The following PLCH1 variants were observed in gnomAD, a reference collection of about 807,000 sequenced individuals.
PLCH1 encodes the protein 1-phosphatidylinositol 4,5-bisphosphate phosphodiesterase eta-1.
In PLCH1, 60 loss-of-function variants were observed where a neutral mutation model predicts 126.7. That is an observed-to-expected ratio of 0.47 (90% CI 0.38 to 0.59). PLCH1 has a LOEUF of 0.59. Among genes scored for constraint, PLCH1 ranks in the 20% least tolerant of loss-of-function variants. The probability of loss-of-function intolerance (pLI) is 0.00; values close to 1 mark genes in which losing one functional copy is unlikely to be tolerated. For missense variants in PLCH1, 1,723 were observed against 2,040.0 expected (o/e 0.84, Z 2.99); for synonymous variants, 719 against 734.9 (o/e 0.98, Z 0.35).
At chr3:155,690,996 A>C (rs1420540884) in intron 2 of PLCH1, among the ~76,000 whole-genome samples, 1 of 152,094 alleles carries the variant, frequency 6.6e-6, no homozygotes, top group African/African-American at 2.4e-5. Context: ...CACTCAGCCT[A>C]AGGGCAACTC....
At chr3:155,549,668 C>T in intron 10 of PLCH1, 119 bp downstream of exon 10, 2 of 719,000 alleles carry the variant, frequency 2.8e-6, no homozygotes, top group Non-Finnish European at 4.6e-6. Context: ...TAGATCTAGA[C>T]AATCCTTCAT....
chr3:155,636,243 C>A, intron 2 of PLCH1, among the ~76,000 whole-genome samples: 1 of 152,014 alleles, frequency 6.6e-6, no homozygotes, highest in Non-Finnish European at 1.5e-5. Flanking sequence ...ACCTAGACTT[C>A]CCTGGAATAG....
At chr3:155,460,823 T>TAGAC (rs1560028434) in intron 21 of PLCH1, among the ~76,000 whole-genome samples, 1 of 151,434 alleles carries the variant, frequency 6.6e-6, no homozygotes, top group Non-Finnish European at 1.5e-5. Flanking sequence ...GATAGATAGA[T>TAGAC]AGATAGATAG....
chr3:155,697,855 G>A (rs566190622), intron 2 of PLCH1, among the ~76,000 whole-genome samples: 2 of 152,338 alleles, frequency 1.3e-5, no homozygotes, highest in South Asian at 4.1e-4. Flanking sequence ...GAAGATGGAA[G>A]CAGAGGGAGT....
intron 1 of PLCH1, among the ~76,000 whole-genome samples, chr3:155,720,499 T>C (rs778221392): frequency 5.7e-4 from 87 of 152,346 alleles, no homozygotes; most frequent in Non-Finnish European, 8.8e-4. Flanking sequence ...CATATGTTTG[T>C]TGCCCATTTG....
intron 1 of PLCH1, among the ~76,000 whole-genome samples, chr3:155,722,168 T>C (rs1747997937): frequency 6.6e-6 from 1 of 152,142 alleles, no homozygotes. Context: ...AGATGTCTTT[T>C]TTTTTTCTTT....
At chr3:155,742,280 C>T (rs1443479922) in intron 1 of PLCH1, 1 of 152,132 alleles carries the variant, frequency 6.6e-6, no homozygotes, top group African/African-American at 2.4e-5. Context: ...CATTATGGCA[C>T]CCTAACAAGG....
chr3:155,536,030 G>A (rs1723309437), intron 10 of PLCH1, among the ~76,000 whole-genome samples: 1 of 152,166 alleles, frequency 6.6e-6, no homozygotes, highest in African/African-American at 2.4e-5. Context: ...TACCAGGCTG[G>A]AGCCTGGTAG....
chr3:155,457,370 T>G (rs983093990), intron 21 of PLCH1: 18 of 152,196 alleles, frequency 1.2e-4, no homozygotes, highest in African/African-American at 4.1e-4. Context: ...TGCTCCATTG[T>G]CCCATTGGAC....
intron 9 of PLCH1, among the ~76,000 whole-genome samples, chr3:155,553,709 T>C (rs1332153048): frequency 5.3e-5 from 8 of 152,090 alleles, no homozygotes; most frequent in Admixed American, 5.2e-4. Flanking sequence ...GACACCTCAG[T>C]GTATAGATAA....
chr3:155,712,329 T>C (rs887410217), intron 1 of PLCH1, among the ~76,000 whole-genome samples: 1 of 152,220 alleles, frequency 6.6e-6, no homozygotes. Context: ...CTGAAAAGGA[T>C]TCCCCCAGAC....
intron 21 of PLCH1, among the ~76,000 whole-genome samples, chr3:155,468,663 G>A (rs1056059460): frequency 1.3e-5 from 2 of 152,142 alleles, no homozygotes; most frequent in Admixed American, 6.5e-5. Flanking sequence ...ATTCCATAAT[G>A]ACAAAGGGGT....
At chr3:155,499,905 C>T (rs1717632075) in intron 14 of PLCH1, among the ~76,000 whole-genome samples, 1 of 152,154 alleles carries the variant, frequency 6.6e-6, no homozygotes, top group Admixed American at 6.5e-5. Context: ...TATACATATT[C>T]TGTTGGAGCT....
intron 8 of PLCH1, among the ~76,000 whole-genome samples, chr3:155,563,560 T>A (rs1727911798): frequency 6.6e-6 from 1 of 151,928 alleles, no homozygotes; most frequent in Non-Finnish European, 1.5e-5. Flanking sequence ...TCCCTTGGAT[T>A]CACTGTGATA....
chr3:155,734,771 C>G (rs1224911920), intron 1 of PLCH1, among the ~76,000 whole-genome samples: 2 of 148,788 alleles, frequency 1.3e-5, no homozygotes, highest in East Asian at 4.0e-4. Context: ...TGCAGTGGTG[C>G]AATCTCGGCT....
intron 21 of PLCH1, among the ~76,000 whole-genome samples, chr3:155,458,558 A>AAGAAAGAAAGAAAGAAAGAAAG (rs369423283): frequency 5.5e-5 from 7 of 128,280 alleles, no homozygotes; most frequent in African/African-American, 2.3e-4. Flanking sequence ...AAGAAAGAGA[A>AAGAAAGAAAGAAAGAAAGAAAG]AAAGAAAGAA....
intron 2 of PLCH1, among the ~76,000 whole-genome samples, chr3:155,657,263 G>T (rs1175290802): frequency 6.6e-6 from 1 of 152,172 alleles, no homozygotes; most frequent in Non-Finnish European, 1.5e-5. Context: ...ACCAAATGAA[G>T]TAGGCCTATG....
In PLCH1 at chr3:155,703,100, ACT is replaced by A. The variant is rs539296334; in HGVS notation, c.79+1044_79+1045del. ...CTTTCTTCATCTGTAAAATGAAATCACTCTCTACTTTACAAGGGCTTTTAGTG... is the reference window on the plus strand; with the variant it reads ...CTTTCTTCATCTGTAAAATGAAATCACTCTACTTTACAAGGGCTTTTAGTG... On this transcript the variant is annotated intron_variant, in intron 2 of 22. Coordinates refer to ENST00000460012, the MANE Select transcript of PLCH1 (RefSeq NM_014996.4). Among the ~76,000 whole-genome samples the A allele has an allele frequency of 3.0e-4, 46 of 152,268 alleles. 1 individual carries two copies. The highest frequency in any genetic ancestry group is 1.1e-3 in the African/African-American group (45 of 41,534).
At chr3:155,549,716 T>C (rs1725850882) in intron 10 of PLCH1, 71 bp downstream of exon 10, 1 of 1,092,750 alleles carries the variant, frequency 9.2e-7, no homozygotes, top group African/African-American at 1.6e-5. Flanking sequence ...TGAAACCCAT[T>C]TTTATTCTTT....
Sources: allele counts gnomAD v4.1 joint callset (sites outside exome capture counted in the v4.1 genomes callset), GRCh38; gene constraint gnomAD v4.1.1; transcripts MANE v1.5; gene names NCBI Gene and HGNC (gene_info 2026-07-23, HGNC 2026-07-21).